The following DIAPH1 variants were observed in gnomAD, a reference collection of about 807,000 sequenced individuals.
DIAPH1 encodes protein diaphanous homolog 1.
DIAPH1 carries 46 observed loss-of-function variants against 140.7 expected under a neutral mutation model. The ratio of observed to expected loss-of-function variants is 0.33; its 90% confidence interval spans 0.26 to 0.42. The LOEUF is 0.42. Among genes scored for constraint, DIAPH1 ranks in the 10% least tolerant of loss-of-function variants. The pLI is 1.00. For synonymous variants in DIAPH1, 565 were observed against 551.6 expected, an observed-to-expected ratio of 1.02 and a Z score of -0.34; for missense variants, 1,310 against 1,558.7, an observed-to-expected ratio of 0.84 and a Z score of 2.69.
chr5:141,534,126 T>C (rs1326701781), intron 19 of DIAPH1, among the ~76,000 whole-genome samples: 1 of 152,072 alleles, frequency 6.6e-6, no homozygotes, highest in Admixed American at 6.5e-5. Flanking sequence ...CTTAGCTTGT[T>C]TCCTTGACAT....
intron 1 of DIAPH1, among the ~76,000 whole-genome samples, chr5:141,614,073 C>T (rs1292737892): frequency 6.6e-6 from 1 of 152,078 alleles, no homozygotes. Flanking sequence ...AATTTTTTGC[C>T]TACTGCTTTC....
intron 18 of DIAPH1, among the ~76,000 whole-genome samples, chr5:141,568,616 C>G (rs888077104): frequency 2.0e-5 from 3 of 152,092 alleles, no homozygotes; most frequent in Admixed American, 1.3e-4. Context: ...TGTAAAAAGG[C>G]ACACATATTC....
chr5:141,592,103 A>G (rs2099898583), intron 1 of DIAPH1, among the ~76,000 whole-genome samples: 1 of 151,482 alleles, frequency 6.6e-6, no homozygotes, highest in Non-Finnish European at 1.5e-5. Flanking sequence ...AAAAGAAAGA[A>G]AGAAAATTTA....
chr5:141,518,783 A>G, intron 27 of DIAPH1: 1 of 705,326 alleles, frequency 1.4e-6, no homozygotes, highest in Non-Finnish European at 2.5e-6. Flanking sequence ...TTGGAACCTA[A>G]AGTTCTGGGA....
intron 1 of DIAPH1, among the ~76,000 whole-genome samples, chr5:141,605,689 GTCC>G (rs2099900815): frequency 6.6e-6 from 1 of 152,206 alleles, no homozygotes; most frequent in South Asian, 2.1e-4. Context: ...AGGCCTCAGT[GTCC>G]TCCTAATTTT....
chr5:141,607,003 A>T (rs1406561236), intron 1 of DIAPH1, among the ~76,000 whole-genome samples: 3 of 152,018 alleles, frequency 2.0e-5, no homozygotes, highest in African/African-American at 7.2e-5. Context: ...ATGAGAAAAA[A>T]GAAAAAGATT....
chr5:141,594,844 C>G (rs1003233586), intron 1 of DIAPH1, among the ~76,000 whole-genome samples: 1 of 150,478 alleles, frequency 6.6e-6, no homozygotes, highest in African/African-American at 2.5e-5. Context: ...AGTTTGAGAC[C>G]AGCCTGGCCA....
chr5:141,553,219 G>A (rs982525396), intron 18 of DIAPH1, among the ~76,000 whole-genome samples: 2 of 152,140 alleles, frequency 1.3e-5, no homozygotes, highest in Non-Finnish European at 2.9e-5. Context: ...TTGAACCCAG[G>A]AGGTGGAGGT....
chr5:141,533,633 G>A (rs1175708991), intron 19 of DIAPH1, among the ~76,000 whole-genome samples: 1 of 152,118 alleles, frequency 6.6e-6, no homozygotes, highest in Non-Finnish European at 1.5e-5. Flanking sequence ...GATCACTTGA[G>A]GCCAGGAGCT....
chr5:141,576,114 T>C lies in DIAPH1; in HGVS notation c.1461+116A>G, dbSNP rs866645738. On this transcript the variant is annotated intron_variant, in intron 14 of 27. Transcript: ENST00000389054. ...AAGGTTTCCCCTGGGAACTACACTA[T>C]TGGGTGCTAAACGCTTCCAAAATAC... is the stretch of plus-strand genomic sequence containing the variant. 7.3e-5 allele frequency: 63 copies of C among 862,342 alleles called. 1 individual carries two copies. Among genetic ancestry groups the C allele is most frequent in the South Asian group, 5.2e-4 (38 of 73,024 alleles). 53.4% of individuals were successfully genotyped at this position (862,342 alleles called of 1,614,324 possible). A position where few individuals can be genotyped will look rare whatever the true frequency, so the allele number is the denominator to read the frequency against.
At chr5:141,595,352 T>C (rs765067601) in intron 1 of DIAPH1, among the ~76,000 whole-genome samples, 10 of 152,182 alleles carry the variant, frequency 6.6e-5, no homozygotes, top group East Asian at 1.9e-4. Context: ...GGCTCACCAA[T>C]TGCAACAAAT....
At position 141,526,124 on chromosome 5, in the gene DIAPH1, C is replaced by T. The variant is rs1398958325; in HGVS notation, c.3488G>A (p.Arg1163Lys). 1 of 1,613,986 alleles carries T rather than the reference C, an allele frequency of 6.2e-7. No individual in the cohort carries two copies. Among genetic ancestry groups the T allele is most frequent in the Non-Finnish European group, 8.5e-7 (1 of 1,180,036 alleles). The change falls in exon 26 of 28, where the codon AGG becomes AAG. Residue 1163 changes from arginine to lysine, a missense_variant. Arg to Lys is a conservative substitution (Grantham distance 26, BLOSUM62 2). Around this residue, in one of 3 missense-constraint regions of DIAPH1, gnomAD observed 344 missense variants for 512.2 expected, o/e 0.67. Coordinates refer to ENST00000389054, the MANE Select transcript of DIAPH1 (RefSeq NM_005219.5). Reference protein sequence around the residue: ...QKRRETEEKMRRAKLAKEKAE... With the variant: ...QKRRETEEKMKRAKLAKEKAE... The stretch of plus-strand genomic sequence containing the variant: ...CTTCTCCTTGGCTAGTTTTGCTCGC[C>T]TCATCTTTTCTTCTGTCTCCCGCCG...
chr5:141,526,085 C>T lies in DIAPH1; in HGVS notation c.3527G>A (p.Arg1176Gln), dbSNP rs769436448. 7 of 1,614,062 alleles carry T rather than the reference C, an allele frequency of 4.3e-6. No individual in the cohort carries two copies. The highest frequency in any genetic ancestry group is 5.1e-6 in the Non-Finnish European group (6 of 1,180,030). Residue 1176 changes from arginine (R) to glutamine (Q), a missense_variant, in exon 26 of 28, where the codon CGG becomes CAG. Around this residue, in one of 3 missense-constraint regions of DIAPH1, gnomAD observed 344 missense variants for 512.2 expected, o/e 0.67. Transcript: ENST00000389054. ...KLAKEKAEKE[R>Q]LEKQQKREQL... ...CTCTCTCTTCTGCTGCTTCTCTAGCCGCTCCTTCTCTGCCTTCTCCTTGGC... is the reference window on the plus strand; with the variant it reads ...CTCTCTCTTCTGCTGCTTCTCTAGCTGCTCCTTCTCTGCCTTCTCCTTGGC...
chr5:141,602,040 C>CAGGTA (rs2154597112), intron 1 of DIAPH1, among the ~76,000 whole-genome samples: 1 of 152,200 alleles, frequency 6.6e-6, no homozygotes, highest in African/African-American at 2.4e-5. Context: ...CCAGAAAGAA[C>CAGGTA]AGGTAAGGTA....
At chr5:141,585,129 G>T (rs933292747) in intron 3 of DIAPH1, among the ~76,000 whole-genome samples, 72 of 152,026 alleles carry the variant, frequency 4.7e-4, no homozygotes, top group African/African-American at 1.6e-3. Flanking sequence ...GCTAATTTTT[G>T]TATTTTTAGT....
At chr5:141,569,233 T>G (rs1403932045) in intron 18 of DIAPH1, among the ~76,000 whole-genome samples, 1 of 152,182 alleles carries the variant, frequency 6.6e-6, no homozygotes, top group Non-Finnish European at 1.5e-5. Flanking sequence ...GAGTCACTGT[T>G]TGGAGTCTGA....
Position 141,573,996 on chromosome 5 carries a change from T to TGGAGGAGGAGGTGGAGGA in DIAPH1, c.1853_1854insTCCTCCACCTCCTCCTCC (p.Pro615_Pro620dup). ...TGCAAACACCCCCAGGCAAAGGAGGTGGAGGAGGAGGAGGAGGAGGAGGAG... is the reference window on the plus strand; with the variant it reads ...TGCAAACACCCCCAGGCAAAGGAGGTGGAGGAGGAGGTGGAGGAGGAGGAGGAGGAGGAGGAGGAGGAG... On this transcript the variant is annotated inframe_insertion, in exon 16 of 28. Coordinates refer to ENST00000389054, the MANE Select transcript of DIAPH1 (RefSeq NM_005219.5). 1 of 1,511,502 alleles carries TGGAGGAGGAGGTGGAGGA rather than the reference T, an allele frequency of 6.6e-7. No homozygotes were observed. The highest frequency in any genetic ancestry group is 2.5e-5 in the East Asian group (1 of 39,686). The allele number at this position is 1,511,502 out of a possible 1,614,324, so 93.6% of individuals were successfully genotyped here. A position where few individuals can be genotyped will look rare whatever the true frequency, so the allele number is the denominator to read the frequency against.
At position 141,515,918 on chromosome 5, in the gene DIAPH1, A is replaced by T. The variant is rs55798800; in HGVS notation, c.*933T>A. The T allele has an allele frequency of 0.13, 19,637 of 151,318 alleles. 1,349 individuals are homozygous for T. The highest frequency in any genetic ancestry group is 0.18 in the Middle Eastern group (52 of 294). 9.4% of individuals were successfully genotyped at this position (151,318 alleles called of 1,614,324 possible). A position where few individuals can be genotyped will look rare whatever the true frequency, so the allele number is the denominator to read the frequency against. ...GGAAGGAACAGTTTTCTTTAAAAAA[A>T]TTTTTTTTTTCATACAAAAATAGAT... On this transcript the variant is annotated 3_prime_UTR_variant, in exon 28 of 28. Coordinates refer to ENST00000389054, the MANE Select transcript of DIAPH1 (RefSeq NM_005219.5).
chr5:141,516,792 C>T lies in DIAPH1; in HGVS notation c.*59G>A. ...ATCCCCTTGAGCCTTTAGGCACATG[C>T]TGCAGGGCAGGACAGTCTGCGGCTC... On this transcript the variant is annotated 3_prime_UTR_variant, in exon 28 of 28. Transcript: ENST00000389054. The T allele has an allele frequency of 1.2e-6, 2 of 1,606,120 alleles. No homozygotes were observed. Among genetic ancestry groups the T allele is most frequent in the Non-Finnish European group, 1.7e-6 (2 of 1,175,170 alleles).
Sources: allele counts gnomAD v4.1 joint callset (sites outside exome capture counted in the v4.1 genomes callset), GRCh38; gene constraint gnomAD v4.1.1; regional missense constraint gnomAD v4.1.1; transcripts MANE v1.5; gene names NCBI Gene and HGNC (gene_info 2026-07-23, HGNC 2026-07-21).